The following SBSPON variants were observed in gnomAD, a reference collection of about 807,000 sequenced individuals.
SBSPON encodes somatomedin B and thrombospondin type 1 domain containing, also known as somatomedin-B and thrombospondin type-1 domain-containing protein.
A neutral mutation model predicts 35.8 loss-of-function variants in SBSPON; 30 were observed. The ratio of observed to expected loss-of-function variants is 0.84; its 90% CI spans 0.63 to 1.14. The LOEUF (loss-of-function observed/expected upper bound fraction) is 1.14. Ranked by LOEUF, SBSPON falls within the 50% of genes most tolerant of loss-of-function variation. The pLI, the probability that SBSPON is intolerant of heterozygous loss-of-function variation, is 0.00. For missense variants in SBSPON, 364 were observed against 357.7 expected, an observed-to-expected ratio of 1.02 and a Z score of -0.14; for synonymous variants, 136 against 135.9, an observed-to-expected ratio of 1.00 and a Z score of 0.00.
At chr8:73,083,578 G>A (rs1217291831) in intron 1 of SBSPON, among the ~76,000 whole-genome samples, 1 of 152,202 alleles carries the variant, frequency 6.6e-6, no homozygotes, top group East Asian at 1.9e-4. Flanking sequence ...ATTTATTACA[G>A]CTGCCTGACA....
chr8:73,090,870 C>T (rs1291736957), intron 1 of SBSPON, among the ~76,000 whole-genome samples: 1 of 152,188 alleles, frequency 6.6e-6, no homozygotes, highest in Non-Finnish European at 1.5e-5. Flanking sequence ...TCCATACTTA[C>T]CCACTAAATC....
At chr8:73,076,604 A>G (rs1810598689) in intron 2 of SBSPON, among the ~76,000 whole-genome samples, 1 of 151,700 alleles carries the variant, frequency 6.6e-6, no homozygotes, top group South Asian at 2.1e-4. Context: ...CCATGATCAC[A>G]CCACTGCACT....
intron 2 of SBSPON, among the ~76,000 whole-genome samples, chr8:73,079,763 C>T (rs1810659219): frequency 6.6e-6 from 1 of 152,126 alleles, no homozygotes; most frequent in Non-Finnish European, 1.5e-5. Context: ...TCCATTAATT[C>T]CCTGGATTAT....
Position 73,066,833 on chromosome 8 carries a change from T to C in SBSPON, c.*508A>G, listed in dbSNP as rs1810394480. On this transcript the variant is annotated 3_prime_UTR_variant, in exon 5 of 5. Coordinates refer to ENST00000297354, the MANE Select transcript of SBSPON (RefSeq NM_153225.4). ...ATAATTTGCCCTGTGGAAAAATTAT[T>C]TGTGATAATTTGCTTGAAATTATTT... is the stretch of plus-strand genomic sequence containing the variant. 1 of 152,218 alleles carries C rather than the reference T, an allele frequency of 6.6e-6. No homozygotes were observed. Among genetic ancestry groups the C allele is most frequent in the Non-Finnish European group, 1.5e-5 (1 of 68,032 alleles). 9.4% of individuals were successfully genotyped at this position (152,218 alleles called of 1,614,324 possible). A position where few individuals can be genotyped will look rare whatever the true frequency, so the allele number is the denominator to read the frequency against.
chr8:73,064,887 A>G lies in SBSPON; in HGVS notation c.*2454T>C, dbSNP rs572959097. The G allele has an allele frequency of 5.9e-5, 9 of 152,120 alleles. No individual in the cohort carries two copies. Among genetic ancestry groups the G allele is most frequent in the African/African-American group, 2.2e-4 (9 of 41,512 alleles). 9.4% of individuals were successfully genotyped at this position (152,120 alleles called of 1,614,324 possible). A position where few individuals can be genotyped will look rare whatever the true frequency, so the allele number is the denominator to read the frequency against. On this transcript the variant is annotated 3_prime_UTR_variant, in exon 5 of 5. Coordinates refer to ENST00000297354, the MANE Select transcript of SBSPON (RefSeq NM_153225.4). Reference sequence around the variant, plus strand: ...CATGAGCACTTTTGAAAATCAGTCTATTAAGGGATTTTAGAGTTCGTAAAT... The same window carrying G: ...CATGAGCACTTTTGAAAATCAGTCTGTTAAGGGATTTTAGAGTTCGTAAAT...
In SBSPON at chr8:73,075,697, C is replaced by T. The variant is rs1233127191; in HGVS notation, c.410-3827G>A. 9.0e-6 allele frequency: 4 copies of T among 445,446 alleles called. No homozygotes were observed. In the East Asian group the frequency reaches 4.6e-4, roughly 52 times the overall value. The allele number at this position is 445,446 out of a possible 1,614,324, so 27.6% of individuals were successfully genotyped here. A position where few individuals can be genotyped will look rare whatever the true frequency, so the allele number is the denominator to read the frequency against. ...ATTTGCTTTGAGAATTTCATAACGC[C>T]CTCTGACACAATGGGGTGTCACAAA... is the stretch of plus-strand genomic sequence containing the variant. On this transcript the variant is annotated intron_variant, in intron 2 of 4. Coordinates refer to ENST00000297354, the MANE Select transcript of SBSPON (RefSeq NM_153225.4).
chr8:73,067,502 C>T lies in SBSPON; in HGVS notation c.678-44G>A, dbSNP rs202086933. ...AGTGTTAGTTACACTAAAAGCATAC[C>T]GAAGAAAGGTCTAATTTACAGAATT... is the stretch of plus-strand genomic sequence containing the variant. On this transcript the variant is annotated intron_variant, in intron 4 of 4. Coordinates refer to ENST00000297354, the MANE Select transcript of SBSPON (RefSeq NM_153225.4). 151 of 1,155,240 alleles carry T rather than the reference C, an allele frequency of 1.3e-4. 1 individual carries two copies. In the East Asian group the frequency reaches 1.9e-3, roughly 15 times the overall value. 71.6% of individuals were successfully genotyped at this position (1,155,240 alleles called of 1,614,324 possible).
chr8:73,067,223 G>A lies in SBSPON; in HGVS notation c.*118C>T, dbSNP rs1586087007. ...CTAAATTTTCTTTCTCTACTTCAGA[G>A]TGTGGCAATGATGTGTTTGGGGACT... On this transcript the variant is annotated 3_prime_UTR_variant, in exon 5 of 5. Transcript: ENST00000297354. 3.3e-6 allele frequency: 2 copies of A among 608,462 alleles called. No individual in the cohort carries two copies. The highest frequency in any genetic ancestry group is 2.8e-5 in the East Asian group (1 of 35,510). The allele number at this position is 608,462 out of a possible 1,614,324, so 37.7% of individuals were successfully genotyped here.
rs1306529362 is a variant in SBSPON, at chr8:73,066,637, A to G, written c.*704T>C. 6.6e-6 allele frequency: 1 copy of G among 152,352 alleles called. No homozygotes were observed. The highest frequency in any genetic ancestry group is 6.5e-5 in the Admixed American group (1 of 15,306). The allele number at this position is 152,352 out of a possible 1,614,324, so 9.4% of individuals were successfully genotyped here. A position where few individuals can be genotyped will look rare whatever the true frequency, so the allele number is the denominator to read the frequency against. ...CAGAATGAAAGCAATTGTTTCATTC[A>G]CTGGTGTCAACATTTCTTTTCATGA... On this transcript the variant is annotated 3_prime_UTR_variant, in exon 5 of 5. Transcript: ENST00000297354.
Position 73,065,927 on chromosome 8 carries a change from T to G in SBSPON, c.*1414A>C, listed in dbSNP as rs1810380408. 1 of 152,144 alleles carries G rather than the reference T, an allele frequency of 6.6e-6. No individual in the cohort carries two copies. Among genetic ancestry groups the G allele is most frequent in the Non-Finnish European group, 1.5e-5 (1 of 68,034 alleles). 9.4% of individuals were successfully genotyped at this position (152,144 alleles called of 1,614,324 possible). A position where few individuals can be genotyped will look rare whatever the true frequency, so the allele number is the denominator to read the frequency against. ...GAGACTCACATATTTTATTATTAAT[T>G]TCTGAAGAATTTAATTTTCCACAAA... is the stretch of plus-strand genomic sequence containing the variant. On this transcript the variant is annotated 3_prime_UTR_variant, in exon 5 of 5. Transcript: ENST00000297354.
In SBSPON at chr8:73,067,420, C is replaced by G. The variant is rs189764328; in HGVS notation, c.716G>C (p.Arg239Pro). Residue 239 changes from arginine to proline, a missense_variant, in exon 5 of 5, where the codon CGG becomes CCG. Physicochemically the swap from Arg to Pro is moderately radical, Grantham distance 103 (BLOSUM62 -2). Coordinates refer to ENST00000297354, the MANE Select transcript of SBSPON (RefSeq NM_153225.4). ...AACTTTTTTCCAAGTTCCTTGACAC[C>G]GAGGATTACCAATTGCTTGCCAATG... is the stretch of plus-strand genomic sequence containing the variant. Reference protein sequence around the residue: ...TLHWQAIGNPRCQGTWKKVRR... With the variant: ...TLHWQAIGNPPCQGTWKKVRR... The G allele has an allele frequency of 1.2e-6, 2 of 1,610,766 alleles. No individual in the cohort carries two copies. The highest frequency in any genetic ancestry group is 1.7e-5 in the Admixed American group (1 of 59,850).
At chr8:73,092,625 T>C (rs867565119) in intron 1 of SBSPON, among the ~76,000 whole-genome samples, 1 of 152,038 alleles carries the variant, frequency 6.6e-6, no homozygotes, top group Middle Eastern at 3.4e-3. Flanking sequence ...CCATCCGGGC[T>C]CTGGTCTGTC....
intron 2 of SBSPON, among the ~76,000 whole-genome samples, chr8:73,079,386 G>C (rs74780482): frequency 6.6e-6 from 1 of 151,978 alleles, no homozygotes; most frequent in African/African-American, 2.4e-5. Flanking sequence ...CTGTGAGGAC[G>C]TCCTCTCTCA....
At chr8:73,080,682 C>T (rs1434541004) in intron 2 of SBSPON, among the ~76,000 whole-genome samples, 1 of 152,086 alleles carries the variant, frequency 6.6e-6, no homozygotes, top group Admixed American at 6.5e-5. Context: ...GAAATGTCAT[C>T]CTCCTATCTA....
chr8:73,067,589 CTATATATA>C (rs1233223282), intron 4 of SBSPON, 131 bp from the exon 5 acceptor site: 1 of 104,196 alleles, frequency 9.6e-6, no homozygotes, highest in East Asian at 8.6e-5. Context: ...CCCGTCTCTA[CTATATATA>C]TATATATATA....
Position 73,066,128 on chromosome 8 carries a change from C to CAAAG in SBSPON, c.*1209_*1212dup, listed in dbSNP as rs1274007528. On this transcript the variant is annotated 3_prime_UTR_variant, in exon 5 of 5. Coordinates refer to ENST00000297354, the MANE Select transcript of SBSPON (RefSeq NM_153225.4). ...TTAGTGAATATTATTCAATTGAAAC[C>CAAAG]AAAGAAATCTCATGTAGTTTACATC... 3 of 151,934 alleles carry CAAAG rather than the reference C, an allele frequency of 2.0e-5. No individual in the cohort carries two copies. Among genetic ancestry groups the CAAAG allele is most frequent in the African/African-American group, 7.3e-5 (3 of 41,348 alleles). 9.4% of individuals were successfully genotyped at this position (151,934 alleles called of 1,614,324 possible).
chr8:73,075,918 TAAA>T (rs1810586336), intron 2 of SBSPON, among the ~76,000 whole-genome samples: 1 of 152,196 alleles, frequency 6.6e-6, no homozygotes, highest in African/African-American at 2.4e-5. Flanking sequence ...GTTTTTATAA[TAAA>T]AATATAATTA....
intron 2 of SBSPON, among the ~76,000 whole-genome samples, chr8:73,076,969 C>T (rs1436986736): frequency 6.6e-6 from 1 of 152,136 alleles, no homozygotes; most frequent in African/African-American, 2.4e-5. Context: ...TGCAATGGCA[C>T]AATCTTGGCT....
Position 73,081,129 on chromosome 8 carries a change from G to T in SBSPON, c.299C>A (p.Ser100Ter), listed in dbSNP as rs374970239. The change falls in exon 2 of 5, where the codon TCG becomes TAG. Residue 100 changes from serine (S) to a stop codon, truncating the protein, a stop_gained. Coordinates refer to ENST00000297354, the MANE Select transcript of SBSPON (RefSeq NM_153225.4). LOFTEE classifies it high-confidence loss of function. Reference protein sequence around the residue: ...CKPTTRVRRRSVQQEPQNGGA... With the variant: ...CKPTTRVRRR The stretch of plus-strand genomic sequence containing the variant: ...GCCGTTCTGAGGCTCCTGCTGCACC[G>T]AGCGCCTCCGCACACGGGTTGTAGG... The T allele has an allele frequency of 2.5e-6, 4 of 1,613,204 alleles. No individual in the cohort carries two copies. Among genetic ancestry groups the T allele is most frequent in the Non-Finnish European group, 3.4e-6 (4 of 1,179,606 alleles).
Sources: allele counts gnomAD v4.1 joint callset (sites outside exome capture counted in the v4.1 genomes callset), GRCh38; gene constraint gnomAD v4.1.1; transcripts MANE v1.5; gene names NCBI Gene and HGNC (gene_info 2026-07-23, HGNC 2026-07-21).